Variants in WNT3 observed in about 807,000 individuals in gnomAD.
The protein encoded by WNT3 is proto-oncogene Wnt-3.
A neutral mutation model predicts 34.2 loss-of-function variants in WNT3; 7 were observed. The observed-to-expected ratio is 0.20, with a 90% CI of 0.12 to 0.38. The LOEUF (loss-of-function observed/expected upper bound fraction) is 0.38, where lower values mean the gene tolerates loss of function less well. WNT3 is among the 10% of genes least tolerant of loss of function. The pLI is 1.00. For missense variants in WNT3, 267 were observed against 499.8 expected (o/e 0.53, Z 4.44); for synonymous variants, 212 against 211.5 (o/e 1.00, Z -0.02).
At chr17:46,812,571 C>G (rs1488904331) in intron 1 of WNT3, among the ~76,000 whole-genome samples, 3 of 152,128 alleles carry the variant, frequency 2.0e-5, no homozygotes, top group Non-Finnish European at 4.4e-5. Context: ...CTCTGGGGGT[C>G]GGGGAATGAT....
chr17:46,771,897 C>A (rs1288789659), intron 2 of WNT3, among the ~76,000 whole-genome samples: 2 of 145,548 alleles, frequency 1.4e-5, no homozygotes, highest in Non-Finnish European at 3.1e-5. Flanking sequence ...CGCCCCTGCC[C>A]CCGCCCCCGC....
intron 1 of WNT3, among the ~76,000 whole-genome samples, chr17:46,774,489 G>A (rs933208757): frequency 1.3e-5 from 2 of 152,222 alleles, no homozygotes; most frequent in Non-Finnish European, 2.9e-5. Flanking sequence ...GTCTACCAGG[G>A]CCTCCATGAC....
intron 1 of WNT3, among the ~76,000 whole-genome samples, chr17:46,788,793 C>T (rs538736209): frequency 1.5e-3 from 230 of 152,278 alleles, no homozygotes; most frequent in Non-Finnish European, 2.4e-3. Context: ...CTCAGCAGCC[C>T]CACTGAGTGC....
chr17:46,766,040 GCACTTTA>G (rs955276089), intron 4 of WNT3, among the ~76,000 whole-genome samples: 23 of 152,234 alleles, frequency 1.5e-4, no homozygotes, highest in South Asian at 1.2e-3. Context: ...TATCTATGTA[GCACTTTA>G]CATAAGATTG....
intron 1 of WNT3, among the ~76,000 whole-genome samples, chr17:46,778,531 C>T (rs529606410): frequency 1.3e-5 from 2 of 152,300 alleles, no homozygotes; most frequent in East Asian, 1.9e-4. Context: ...CGGCCACCCC[C>T]ACCCTGAGCC....
intron 1 of WNT3, among the ~76,000 whole-genome samples, chr17:46,795,500 CCT>C (rs908946700): frequency 3.9e-5 from 6 of 152,144 alleles, no homozygotes; most frequent in African/African-American, 1.2e-4. Flanking sequence ...CCCCTGACGC[CCT>C]GTCTAACCCT....
chr17:46,796,000 T>A (rs1361450848), intron 1 of WNT3, among the ~76,000 whole-genome samples: 2 of 151,926 alleles, frequency 1.3e-5, no homozygotes, highest in African/African-American at 4.8e-5. Context: ...AAAAAAGAAC[T>A]GATCAGGTTG....
intron 2 of WNT3, among the ~76,000 whole-genome samples, chr17:46,772,545 C>T (rs1231635269): frequency 6.6e-6 from 1 of 152,232 alleles, no homozygotes; most frequent in Non-Finnish European, 1.5e-5. Context: ...TGCAAACCGC[C>T]GCCACTTGGC....
chr17:46,787,870 C>A (rs191487672), intron 1 of WNT3, among the ~76,000 whole-genome samples: 1 of 151,628 alleles, frequency 6.6e-6, no homozygotes, highest in African/African-American at 2.4e-5. Context: ...ACAGGAGAAT[C>A]GCTTGAACCT....
chr17:46,771,973 C>T (rs1416603876), intron 2 of WNT3, among the ~76,000 whole-genome samples: 1 of 150,054 alleles, frequency 6.7e-6, no homozygotes, highest in Non-Finnish European at 1.5e-5. Context: ...GCCGACCCCG[C>T]CGCCCCCAGA....
intron 1 of WNT3, among the ~76,000 whole-genome samples, chr17:46,782,130 C>T (rs1292059734): frequency 5.3e-5 from 8 of 152,236 alleles, no homozygotes; most frequent in Non-Finnish European, 2.9e-5. Flanking sequence ...AGGGCCAAGT[C>T]TCCCCAAGTC....
In WNT3 at chr17:46,790,767, A is replaced by C. The variant is rs147887384; in HGVS notation, c.81-16858T>G. Among the ~76,000 whole-genome samples the C allele has an allele frequency of 3.2e-4, 48 of 152,362 alleles. 1 individual carries two copies. Among genetic ancestry groups the C allele is most frequent in the African/African-American group, 9.4e-4 (39 of 41,584 alleles). ...CCCTGATCCAGCAGCCATGAAGAAG[A>C]AGCATTTGGGCACGCCCCTCCGTTT... On this transcript the variant is annotated intron_variant, in intron 1 of 4. Transcript: ENST00000225512.
intron 1 of WNT3, among the ~76,000 whole-genome samples, chr17:46,780,800 G>C (rs139405255): frequency 6.6e-6 from 1 of 152,010 alleles, no homozygotes; most frequent in Non-Finnish European, 1.5e-5. Context: ...AGAAAATGGG[G>C]ACTCCAACAG....
intron 1 of WNT3, among the ~76,000 whole-genome samples, chr17:46,800,845 G>A (rs531956325): frequency 1.3e-5 from 2 of 152,312 alleles, no homozygotes; most frequent in South Asian, 4.1e-4. Flanking sequence ...TGCTGGGGCC[G>A]CGGTGCTGAG....
At chr17:46,803,603 G>A (rs1253038135) in intron 1 of WNT3, among the ~76,000 whole-genome samples, 1 of 152,226 alleles carries the variant, frequency 6.6e-6, no homozygotes, top group Non-Finnish European at 1.5e-5. Context: ...CACCTAGAGG[G>A]CTAGGTTACC....
At chr17:46,770,181 G>A in intron 2 of WNT3, 133 bp from the exon 3 acceptor site, 3 of 1,247,120 alleles carry the variant, frequency 2.4e-6, no homozygotes, top group South Asian at 1.6e-5. Flanking sequence ...CCTGAGGCAA[G>A]AGGGAGGCAG....
At chr17:46,810,898 G>A (rs1023762624) in intron 1 of WNT3, among the ~76,000 whole-genome samples, 3 of 152,058 alleles carry the variant, frequency 2.0e-5, no homozygotes, top group Admixed American at 6.6e-5. Context: ...CTCCCTGCCC[G>A]GAAGCCGCCC....
At chr17:46,803,151 A>G (rs1030565132) in intron 1 of WNT3, among the ~76,000 whole-genome samples, 3 of 152,250 alleles carry the variant, frequency 2.0e-5, no homozygotes, top group Non-Finnish European at 2.9e-5. Flanking sequence ...GTATGCACGC[A>G]TTTGGTCGCA....
chr17:46,786,019 T>C (rs2059502403), intron 1 of WNT3, among the ~76,000 whole-genome samples: 1 of 152,162 alleles, frequency 6.6e-6, no homozygotes, highest in Non-Finnish European at 1.5e-5. Flanking sequence ...CTGTTTTTTG[T>C]TGTGTTGTGA....
Sources: gnomAD v4.1 joint callset for allele counts (sites outside exome capture counted in the v4.1 genomes callset) on GRCh38, gnomAD v4.1.1 for gene constraint, MANE v1.5 for transcripts, NCBI Gene and HGNC (gene_info 2026-07-23, HGNC 2026-07-21) for gene names.